The following ASPM variants were observed in gnomAD, a reference collection of about 807,000 sequenced individuals.
ASPM encodes abnormal spindle-like microcephaly-associated protein.
In ASPM, 256 loss-of-function variants were observed where a neutral mutation model predicts 366.4. The observed-to-expected ratio is 0.70, with a 90% CI of 0.63 to 0.77. ASPM has a LOEUF of 0.77. Among genes scored for constraint, ASPM ranks in the 30% least tolerant of loss-of-function variants. The pLI, the probability that ASPM is intolerant of heterozygous loss-of-function variation, is 0.00. For missense variants in ASPM, 4,146 were observed against 4,090.4 expected, an observed-to-expected ratio of 1.01 and a Z score of -0.37; for synonymous variants, 1,414 against 1,342.9, an observed-to-expected ratio of 1.05 and a Z score of -1.16.
At chr1:197,144,137 T>C (rs764450182) in intron 1 of ASPM, 37 bp from the exon 2 acceptor site, 1 of 1,452,560 alleles carries the variant, frequency 6.9e-7, no homozygotes, top group Non-Finnish European at 9.6e-7. Context: ...ATTACAATAG[T>C]AATTACATAA....
chr1:197,090,735 T>C (rs1656752376), intron 23 of ASPM, 115 bp downstream of exon 23: 1 of 950,730 alleles, frequency 1.1e-6, no homozygotes, highest in Non-Finnish European at 1.6e-6. Context: ...TGAGTTATTC[T>C]ACCGGCTAAT....
In ASPM at chr1:197,100,590, C is replaced by G; in HGVS notation, c.8661G>C (p.Val2887=). The stretch of plus-strand genomic sequence containing the variant: ...ATGCTCTGTAGTGATTTTGTAAAAC[C>G]ACTGCTGCTTTTCTATATAGTAAAA... The part of the protein sequence containing the change: ...KQFLLYRKAA[V]VLQNHYRAFL... The change falls in exon 18 of 28, where the codon GTG becomes GTC. Residue 2887 remains valine (V), a synonymous_variant. Transcript: ENST00000367409. 6.2e-7 allele frequency: 1 copy of G among 1,611,788 alleles called. No individual in the cohort carries two copies. Among genetic ancestry groups the G allele is most frequent in the Non-Finnish European group, 8.5e-7 (1 of 1,178,766 alleles).
In ASPM at chr1:197,100,971, A is replaced by G. The variant is rs753978090; in HGVS notation, c.8280T>C (p.Asn2760=). The G allele has an allele frequency of 1.2e-6, 2 of 1,612,424 alleles. No individual in the cohort carries two copies. Among genetic ancestry groups the G allele is most frequent in the South Asian group, 1.1e-5 (1 of 91,046 alleles). The change falls in exon 18 of 28, where the codon AAT becomes AAC. Residue 2760 remains asparagine (N), a synonymous_variant. Coordinates refer to ENST00000367409, the MANE Select transcript of ASPM (RefSeq NM_018136.5). ...RGMKVRQKLK[N]VSEEKMAAIV... Reference sequence around the variant, plus strand: ...TGGCTGCCATCTTTTCCTCTGATACATTTTTCAATTTTTGTCTAACTTTCA... The same window carrying G: ...TGGCTGCCATCTTTTCCTCTGATACGTTTTTCAATTTTTGTCTAACTTTCA...
chr1:197,103,143 C>T lies in ASPM; in HGVS notation c.6108G>A (p.Val2036=). The T allele has an allele frequency of 1.2e-6, 2 of 1,612,708 alleles. No homozygotes were observed. The highest frequency in any genetic ancestry group is 1.7e-6 in the Non-Finnish European group (2 of 1,179,314). Residue 2036 remains valine (V), a synonymous_variant, in exon 18 of 28, where the codon GTG becomes GTA. Transcript: ENST00000367409. ...TLQSAYRGMK[V]RKRIKDCNKA... is the part of the protein sequence containing the mutation. ...TGTTGCAATCCTTTATTCTTTTTCT[C>T]ACTTTCATACCACGATAAGCTGACT...
chr1:197,118,344 G>A (rs912796480), intron 16 of ASPM, among the ~76,000 whole-genome samples: 1 of 152,092 alleles, frequency 6.6e-6, no homozygotes, highest in Non-Finnish European at 1.5e-5. Context: ...TTTTAGGAAA[G>A]GGGAGGATTG....
At chr1:197,134,463 A>G (rs555732447) in intron 5 of ASPM, among the ~76,000 whole-genome samples, 1 of 152,150 alleles carries the variant, frequency 6.6e-6, no homozygotes, top group Non-Finnish European at 1.5e-5. Context: ...TGACAAAAAT[A>G]AATCAGTGTC....
intron 6 of ASPM, among the ~76,000 whole-genome samples, chr1:197,133,053 A>T: frequency 6.6e-6 from 1 of 152,168 alleles, no homozygotes. Context: ...TCGAATGTAC[A>T]CCATGACGAC....
chr1:197,122,834 C>G (rs1214449796), intron 13 of ASPM, among the ~76,000 whole-genome samples: 1 of 152,146 alleles, frequency 6.6e-6, no homozygotes, highest in African/African-American at 2.4e-5. Flanking sequence ...CTTCTAACCT[C>G]TGGAACTGTG....
chr1:197,139,805 G>A lies in ASPM; in HGVS notation c.1988C>T (p.Ala663Val). The change falls in exon 4 of 28, where the codon GCA becomes GTA. Residue 663 changes from alanine to valine, a missense_variant. Physicochemically the swap from Ala to Val is moderately conservative, Grantham distance 64. Transcript: ENST00000367409. ...NKRTKPIIAV[A>V]QSSLTFIKPL... ...TTTTATGAAGGTCAAACTGGACTGT[G>A]CCACAGCGATAATGGGTTTTGTCCT... 5 of 1,612,100 alleles carry A rather than the reference G, an allele frequency of 3.1e-6. No homozygotes were observed. Among genetic ancestry groups the A allele is most frequent in the Middle Eastern group, 1.7e-4 (1 of 6,050 alleles).
At chr1:197,095,540 G>A (rs751089911) in intron 19 of ASPM, among the ~76,000 whole-genome samples, 1 of 151,734 alleles carries the variant, frequency 6.6e-6, no homozygotes, top group Non-Finnish European at 1.5e-5. Flanking sequence ...GCATAGACAG[G>A]TTGGTAATTA....
intron 21 of ASPM, among the ~76,000 whole-genome samples, 155 bp from the exon 22 acceptor site, chr1:197,092,211 A>C (rs942968371): frequency 6.6e-6 from 1 of 151,890 alleles, no homozygotes. Flanking sequence ...ATTCAAAGTA[A>C]TTACAATATT....
At position 197,091,977 on chromosome 1, in the gene ASPM, T is replaced by C. The variant is rs1322309676; in HGVS notation, c.9374A>G (p.Gln3125Arg). Residue 3125 changes from glutamine to arginine, a missense_variant, in exon 22 of 28, where the codon CAA becomes CGA. Physicochemically the swap from Gln to Arg is conservative, Grantham distance 43. Around this residue, in one of 3 missense-constraint regions of ASPM, gnomAD observed 3,624 missense variants for 3,591.7 expected, o/e 1.01. Transcript: ENST00000367409. ...AGCCAGGTAAAGTTTATAGGCTCTT[T>C]GAATTCTAACAGCATTCAGGTGATA... is the stretch of plus-strand genomic sequence containing the variant. Reference protein sequence around the residue: ...AYYHLNAVRIQRAYKLYLAVK... With the variant: ...AYYHLNAVRIRRAYKLYLAVK... The C allele has an allele frequency of 1.2e-6, 2 of 1,612,002 alleles. No homozygotes were observed. Among genetic ancestry groups the C allele is most frequent in the Admixed American group, 1.7e-5 (1 of 59,894 alleles).
Position 197,143,251 on chromosome 1 carries a change from A to C in ASPM, c.1001T>G (p.Leu334Ter). The C allele has an allele frequency of 6.2e-7, 1 of 1,612,086 alleles. No individual in the cohort carries two copies. Among genetic ancestry groups the C allele is most frequent in the Non-Finnish European group, 8.5e-7 (1 of 1,178,328 alleles). Residue 334 changes from leucine to a stop codon, truncating the protein, a stop_gained, in exon 3 of 28, where the codon TTA becomes TGA. Transcript: ENST00000367409. LOFTEE classifies it high-confidence loss of function. ...NSHGANNELE[L>*]VTCLSSDMFM... ...CATATCTGATGAAAGACATGTTACT[A>C]ATTCTAGTTCATTATTAGCTCCATG...
At position 197,101,997 on chromosome 1, in the gene ASPM, A is replaced by G. The variant is rs763973938; in HGVS notation, c.7254T>C (p.Phe2418=). 7 of 1,612,894 alleles carry G rather than the reference A, an allele frequency of 4.3e-6. No individual in the cohort carries two copies. Among genetic ancestry groups the G allele is most frequent in the Non-Finnish European group, 5.9e-6 (7 of 1,179,296 alleles). ...HSSATLIQSR[F]RSLLVRRRFI... Reference sequence around the variant, plus strand: ...ATCTTCTCCTCACCAGTAATGATCTAAACCTACTCTGAATAAGGGTTGCAG... The same window carrying G: ...ATCTTCTCCTCACCAGTAATGATCTGAACCTACTCTGAATAAGGGTTGCAG... Residue 2418 remains phenylalanine, a synonymous_variant, in exon 18 of 28, where the codon TTT becomes TTC. Transcript: ENST00000367409.
At chr1:197,131,919 T>C (rs1319463375) in intron 7 of ASPM, among the ~76,000 whole-genome samples, 1 of 152,130 alleles carries the variant, frequency 6.6e-6, no homozygotes, top group Admixed American at 6.5e-5. Flanking sequence ...TAATAATACA[T>C]ACTTCACTGG....
chr1:197,142,224 A>T, intron 3 of ASPM, 107 bp downstream of exon 3: 1 of 1,231,444 alleles, frequency 8.1e-7, no homozygotes, highest in Non-Finnish European at 1.2e-6. Flanking sequence ...GTACCCAGCA[A>T]ATAAGTAAAA....
chr1:197,111,634 A>T (rs1657587651), intron 17 of ASPM, among the ~76,000 whole-genome samples: 2 of 152,176 alleles, frequency 1.3e-5, no homozygotes, highest in African/African-American at 2.4e-5. Flanking sequence ...TCATATGTTC[A>T]TCGCAGAACT....
chr1:197,104,457 T>C lies in ASPM; in HGVS notation c.4794A>G (p.Gln1598=). 1 of 1,612,930 alleles carries C rather than the reference T, an allele frequency of 6.2e-7. No individual in the cohort carries two copies. Among genetic ancestry groups the C allele is most frequent in the South Asian group, 1.1e-5 (1 of 91,062 alleles). The change falls in exon 18 of 28, where the codon CAA becomes CAG. Residue 1598 remains glutamine, a synonymous_variant. Coordinates refer to ENST00000367409, the MANE Select transcript of ASPM (RefSeq NM_018136.5). The part of the protein sequence containing the change: ...KFQAHVRKHQ[Q]RQKYKKMKKA... ...TCTTCATCTTCTTATATTTCTGTCG[T>C]TGTTGATGTTTTCTTACATGTGCCT... is the stretch of plus-strand genomic sequence containing the variant.
Position 197,104,714 on chromosome 1 carries a change from A to C in ASPM, c.4537T>G (p.Ser1513Ala). The change falls in exon 18 of 28, where the codon TCC (serine) becomes GCC (alanine). Residue 1513 changes from serine (S) to alanine (A), a missense_variant. Physicochemically the swap from Ser to Ala is moderately conservative, Grantham distance 99. Transcript: ENST00000367409. ...AQKLYKRRKE[S>A]ILTIQKYYKA... ...TAGTACTTCTGGATGGTTAGTATGG[A>C]CTCTTTTCTTCTTTTATATAACTTT... 6.2e-7 allele frequency: 1 copy of C among 1,611,132 alleles called. No individual in the cohort carries two copies. Among genetic ancestry groups the C allele is most frequent in the Non-Finnish European group, 8.5e-7 (1 of 1,178,912 alleles).
Sources: gnomAD v4.1 joint callset for allele counts (sites outside exome capture counted in the v4.1 genomes callset) on GRCh38, gnomAD v4.1.1 for gene constraint, gnomAD v4.1.1 regional missense constraint, MANE v1.5 for transcripts, NCBI Gene and HGNC (gene_info 2026-07-23, HGNC 2026-07-21) for gene names.